Variants in NUAK1 observed in about 807,000 individuals in gnomAD.
The protein encoded by NUAK1 is NUAK family kinase 1, also known as NUAK family SNF1-like kinase 1.
A neutral mutation model predicts 56.9 loss-of-function variants in NUAK1; 26 were observed. That is an observed-to-expected ratio of 0.46 (90% CI 0.33 to 0.63). The LOEUF (loss-of-function observed/expected upper bound fraction) is 0.63, where lower values mean the gene tolerates loss of function less well. Among genes scored for constraint, NUAK1 ranks in the 30% least tolerant of loss-of-function variants. NUAK1 has a pLI of 0.02. For synonymous variants in NUAK1, 337 were observed against 336.0 expected, an observed-to-expected ratio of 1.00 and a Z score of -0.03; for missense variants, 727 against 876.1, an observed-to-expected ratio of 0.83 and a Z score of 2.15.
At chr12:106,082,239 A>C (rs1284433862) in intron 4 of NUAK1, among the ~76,000 whole-genome samples, 4 of 152,236 alleles carry the variant, frequency 2.6e-5, no homozygotes, top group Non-Finnish European at 4.4e-5. Context: ...GGAACTGGCA[A>C]CTCTTGACAG....
intron 1 of NUAK1, among the ~76,000 whole-genome samples, chr12:106,128,939 G>A (rs2033051007): frequency 6.6e-6 from 1 of 152,220 alleles, no homozygotes; most frequent in Admixed American, 6.5e-5. Flanking sequence ...AATACTTAAA[G>A]TACTTGATTT....
intron 1 of NUAK1, among the ~76,000 whole-genome samples, chr12:106,109,815 T>A (rs527956380): frequency 3.9e-5 from 6 of 152,278 alleles, no homozygotes; most frequent in Non-Finnish European, 8.8e-5. Context: ...GGATTACACA[T>A]CAGGTGCTCA....
chr12:106,130,384 G>A (rs181683610), intron 1 of NUAK1, among the ~76,000 whole-genome samples: 1 of 152,192 alleles, frequency 6.6e-6, no homozygotes, highest in East Asian at 1.9e-4. Flanking sequence ...TCAATGGCAG[G>A]ACTTGTAATA....
At chr12:106,115,032 C>T (rs942182359) in intron 1 of NUAK1, among the ~76,000 whole-genome samples, 1 of 152,206 alleles carries the variant, frequency 6.6e-6, no homozygotes, top group Non-Finnish European at 1.5e-5. Context: ...TAATATCACC[C>T]ATGAATACGC....
chr12:106,107,080 T>C (rs1280085175), intron 1 of NUAK1, among the ~76,000 whole-genome samples: 1 of 152,158 alleles, frequency 6.6e-6, no homozygotes, highest in Non-Finnish European at 1.5e-5. Context: ...TCCTACATCC[T>C]TCCTCTTGCC....
chr12:106,092,495 C>CAA (rs879689800), intron 2 of NUAK1, among the ~76,000 whole-genome samples: 16 of 134,914 alleles, frequency 1.2e-4, no homozygotes, highest in African/African-American at 4.3e-4. Flanking sequence ...GACTCTGTCT[C>CAA]AAAAAAAAAA....
intron 4 of NUAK1, among the ~76,000 whole-genome samples, chr12:106,080,376 C>A (rs1026523718): frequency 2.0e-5 from 3 of 152,164 alleles, no homozygotes; most frequent in Admixed American, 2.0e-4. Context: ...CAGGAGCCTT[C>A]TATGGGAATT....
chr12:106,136,138 C>T (rs887009050), intron 1 of NUAK1, among the ~76,000 whole-genome samples: 2 of 152,172 alleles, frequency 1.3e-5, no homozygotes, highest in Admixed American at 1.3e-4. Flanking sequence ...GTAAGCTCAG[C>T]TATCAAGGAG....
intron 1 of NUAK1, among the ~76,000 whole-genome samples, chr12:106,131,931 C>T (rs2033082405): frequency 1.3e-5 from 2 of 152,210 alleles, no homozygotes; most frequent in Admixed American, 6.5e-5. Context: ...TCCTCTCATT[C>T]CTGTGCTCTA....
chr12:106,064,541 G>C lies in NUAK1; in HGVS notation c.*2261C>G, dbSNP rs2032313380. 6.6e-6 allele frequency: 1 copy of C among 152,186 alleles called. No homozygotes were observed. The highest frequency in any genetic ancestry group is 6.5e-5 in the Admixed American group (1 of 15,282). 9.4% of individuals were successfully genotyped at this position (152,186 alleles called of 1,614,324 possible). A position where few individuals can be genotyped will look rare whatever the true frequency, so the allele number is the denominator to read the frequency against. On this transcript the variant is annotated 3_prime_UTR_variant, in exon 7 of 7. Transcript: ENST00000261402. The stretch of plus-strand genomic sequence containing the variant: ...GAGTAGACTGACTTTCCTCAATAGT[G>C]TCATTTTTACTTAAAGACTAGAATG...
intron 4 of NUAK1, among the ~76,000 whole-genome samples, chr12:106,074,228 A>AATATATAATG (rs1234391911): frequency 6.6e-6 from 1 of 152,114 alleles, no homozygotes; most frequent in East Asian, 1.9e-4. Flanking sequence ...CAAGATAATT[A>AATATATAATG]ATATATAATG....
rs2032310155 is a variant in NUAK1 at position 106,064,248 on chromosome 12, G to GC, written c.*2553_*2554insG. 6.6e-6 allele frequency: 1 copy of GC among 152,268 alleles called. No homozygotes were observed. The highest frequency in any genetic ancestry group is 2.4e-5 in the African/African-American group (1 of 41,472). The allele number at this position is 152,268 out of a possible 1,614,324, so 9.4% of individuals were successfully genotyped here. A position where few individuals can be genotyped will look rare whatever the true frequency, so the allele number is the denominator to read the frequency against. On this transcript the variant is annotated 3_prime_UTR_variant, in exon 7 of 7. Coordinates refer to ENST00000261402, the MANE Select transcript of NUAK1 (RefSeq NM_014840.3). ...TTAATGGCTTTTCCCTCTATTGCAA[G>GC]TTTTTCCTTGAAAGGACAGTCAACA...
chr12:106,121,832 G>A (rs768718894), intron 1 of NUAK1, among the ~76,000 whole-genome samples: 2 of 152,068 alleles, frequency 1.3e-5, no homozygotes, highest in African/African-American at 2.4e-5. Context: ...CTGACAGAAC[G>A]GGTTGGTGGA....
chr12:106,115,921 T>C (rs535667911), intron 1 of NUAK1, among the ~76,000 whole-genome samples: 20 of 152,286 alleles, frequency 1.3e-4, no homozygotes, highest in African/African-American at 4.8e-4. Flanking sequence ...CCTGCCATTT[T>C]CTCTGCCAGG....
chr12:106,098,629 A>G (rs1409345533), intron 2 of NUAK1, among the ~76,000 whole-genome samples: 1 of 152,222 alleles, frequency 6.6e-6, no homozygotes, highest in African/African-American at 2.4e-5. Flanking sequence ...TCCAGAAACC[A>G]AAACCAAGGG....
intron 2 of NUAK1, among the ~76,000 whole-genome samples, chr12:106,088,803 G>C (rs531766638): frequency 1.1e-3 from 167 of 152,288 alleles, no homozygotes; most frequent in Non-Finnish European, 1.9e-3. Context: ...ATGAAGAACT[G>C]AGTTGACCTG....
At position 106,064,726 on chromosome 12, in the gene NUAK1, T is replaced by C. The variant is rs2032315243; in HGVS notation, c.*2076A>G. On this transcript the variant is annotated 3_prime_UTR_variant, in exon 7 of 7. Transcript: ENST00000261402. ...GCAGCATAGGCTGTTCAGAAAAGAC[T>C]GCATGAAATGAGGCAGGAAGTAGGG... The C allele has an allele frequency of 1.3e-5, 2 of 152,124 alleles. No individual in the cohort carries two copies. Among genetic ancestry groups the C allele is most frequent in the South Asian group, 2.1e-4 (1 of 4,818 alleles). 9.4% of individuals were successfully genotyped at this position (152,124 alleles called of 1,614,324 possible).
chr12:106,070,842 C>T lies in NUAK1; in HGVS notation c.764G>A (p.Gly255Asp). 6.2e-7 allele frequency: 1 copy of T among 1,614,144 alleles called. No individual in the cohort carries two copies. The highest frequency in any genetic ancestry group is 8.5e-7 in the Non-Finnish European group (1 of 1,180,018). The change falls in exon 6 of 7, where the codon GGT becomes GAT. Residue 255 changes from glycine (G) to aspartate (D), a missense_variant. Transcript: ENST00000261402. ...TLVYGTMPFD[G>D]FDHKNLIRQI... ...CCGAATGAGGTTTTTGTGATCGAAA[C>T]CATCGAAGGGCATTGTTCCATAAAC... is the stretch of plus-strand genomic sequence containing the variant.
chr12:106,078,021 TACCGCCA>T (rs1448426876), intron 4 of NUAK1, among the ~76,000 whole-genome samples: 12 of 152,234 alleles, frequency 7.9e-5, no homozygotes, highest in Non-Finnish European at 1.6e-4. Flanking sequence ...GGAATTGCAA[TACCGCCA>T]ATCACTTGGT....
Sources: allele counts gnomAD v4.1 joint callset (sites outside exome capture counted in the v4.1 genomes callset), GRCh38; gene constraint gnomAD v4.1.1; transcripts MANE v1.5; gene names NCBI Gene and HGNC (gene_info 2026-07-23, HGNC 2026-07-21).